The following BBX variants were observed in gnomAD, a reference collection of about 807,000 sequenced individuals.
BBX encodes BBX high mobility group box domain containing.
A neutral mutation model predicts 100.2 loss-of-function variants in BBX; 30 were observed. The observed-to-expected ratio is 0.30, with a 90% CI of 0.22 to 0.41. The LOEUF (loss-of-function observed/expected upper bound fraction) is 0.41, where lower values mean the gene tolerates loss of function less well. BBX is among the 10% of genes least tolerant of loss of function. The probability of loss-of-function intolerance (pLI) is 1.00; values close to 1 mark genes in which losing one functional copy is unlikely to be tolerated. For missense variants in BBX, 1,023 were observed against 1,129.8 expected (o/e 0.91, Z 1.35); for synonymous variants, 376 against 388.1 (o/e 0.97, Z 0.37).
chr3:107,621,836 A>G (rs1251834905), intron 2 of BBX, among the ~76,000 whole-genome samples: 2 of 152,198 alleles, frequency 1.3e-5, no homozygotes, highest in Non-Finnish European at 1.5e-5. Context: ...ATTTCAATCA[A>G]TGAACTGATA....
At chr3:107,581,194 A>G (rs2052251593) in intron 2 of BBX, among the ~76,000 whole-genome samples, 1 of 152,150 alleles carries the variant, frequency 6.6e-6, no homozygotes, top group Non-Finnish European at 1.5e-5. Flanking sequence ...GTCTTTGATC[A>G]TATTTTTACT....
rs570491208 is a variant in BBX, at chr3:107,668,408, GTTAAC to G, written c.-10+22505_-10+22509del. On this transcript the variant is annotated intron_variant, in intron 3 of 17. Transcript: ENST00000325805. ...TTTCATCCATTTATGGTTATTTCCT[GTTAAC>G]TTAACCCCTACACAGCACGTATAGA... 3.9e-3 allele frequency among the ~76,000 whole-genome samples: 595 copies of G among 152,236 alleles called. 3 individuals are homozygous for G. The highest frequency in any genetic ancestry group is 5.0e-3 in the African/African-American group (207 of 41,524).
chr3:107,531,524 A>G (rs997210791), intron 2 of BBX, among the ~76,000 whole-genome samples: 1 of 151,852 alleles, frequency 6.6e-6, no homozygotes, highest in Non-Finnish European at 1.5e-5. Flanking sequence ...TTGTAATTAC[A>G]TCTCATCTCA....
At position 107,565,855 on chromosome 3, in the gene BBX, A is replaced by T. The variant is rs111551439; in HGVS notation, c.-84+39457A>T. Among the ~76,000 whole-genome samples the T allele has an allele frequency of 1.4e-4, 21 of 151,954 alleles. 2 individuals carry two copies. The highest frequency in any genetic ancestry group is 4.6e-4 in the African/African-American group (19 of 41,430). ...AAGTTCTTTTCTTTTCTTAGCTAAGAAATTTTATTATGAATGGGTGTTAAG... is the reference window on the plus strand; with the variant it reads ...AAGTTCTTTTCTTTTCTTAGCTAAGTAATTTTATTATGAATGGGTGTTAAG... On this transcript the variant is annotated intron_variant, in intron 2 of 17. Coordinates refer to ENST00000325805, the MANE Select transcript of BBX (RefSeq NM_001142568.3).
chr3:107,727,475 T>C (rs567501075), intron 5 of BBX, among the ~76,000 whole-genome samples: 1 of 152,154 alleles, frequency 6.6e-6, no homozygotes, highest in African/African-American at 2.4e-5. Context: ...ACTTTAATTA[T>C]TTTTGTAAGA....
Position 107,523,031 on chromosome 3 carries a change from A to T in BBX, c.-232A>T, listed in dbSNP as rs1180517791. 6.5e-6 allele frequency: 1 copy of T among 153,588 alleles called. No homozygotes were observed. The highest frequency in any genetic ancestry group is 1.5e-5 in the Non-Finnish European group (1 of 68,796). 9.5% of individuals were successfully genotyped at this position (153,588 alleles called of 1,614,324 possible). ...AGAGCGGCTCCGCGAGCTTCTCTCC[A>T]CTTTCCCATAGAGAAACCCTGACTG... On this transcript the variant is annotated 5_prime_UTR_variant, in exon 1 of 18. Transcript: ENST00000325805.
intron 9 of BBX, among the ~76,000 whole-genome samples, chr3:107,751,667 T>C (rs1481629395): frequency 6.6e-6 from 1 of 152,174 alleles, no homozygotes; most frequent in African/African-American, 2.4e-5. Context: ...TAAAGCATAT[T>C]TGTTTGTAGG....
chr3:107,585,906 G>A (rs1432463991), intron 2 of BBX, among the ~76,000 whole-genome samples: 1 of 152,102 alleles, frequency 6.6e-6, no homozygotes. Context: ...TAACTAAGAG[G>A]TTTCACAAAC....
intron 3 of BBX, among the ~76,000 whole-genome samples, chr3:107,698,476 C>T (rs2060817570): frequency 6.6e-6 from 1 of 151,370 alleles, no homozygotes; most frequent in Non-Finnish European, 1.5e-5. Context: ...TATGGTGAAA[C>T]CCCATCTCTA....
At chr3:107,752,362 T>C (rs1292447254) in intron 9 of BBX, among the ~76,000 whole-genome samples, 2 of 152,232 alleles carry the variant, frequency 1.3e-5, no homozygotes, top group Non-Finnish European at 2.9e-5. Flanking sequence ...AATCAGTGGA[T>C]GTATTTTGTG....
At chr3:107,728,702 GCCTTTAGAA>G in intron 5 of BBX, 54 bp from the exon 6 acceptor site, 1 of 1,443,060 alleles carries the variant, frequency 6.9e-7, no homozygotes, top group Middle Eastern at 1.8e-4. Context: ...TGGGGTGACA[GCCTTTAGAA>G]CTTTTTCAAT....
chr3:107,523,250 C>T, intron 1 of BBX, 143 bp downstream of exon 1: 1 of 222,414 alleles, frequency 4.5e-6, no homozygotes, highest in East Asian at 1.2e-4. Context: ...GCGGCGGCAG[C>T]CGGTAGGGTG....
chr3:107,561,877 A>G (rs993637800), intron 2 of BBX, among the ~76,000 whole-genome samples: 1 of 152,154 alleles, frequency 6.6e-6, no homozygotes, highest in African/African-American at 2.4e-5. Context: ...CACTTTCATT[A>G]TTTCTTTTTC....
chr3:107,573,413 C>T (rs1463067821), intron 2 of BBX, among the ~76,000 whole-genome samples: 2 of 151,986 alleles, frequency 1.3e-5, no homozygotes. Flanking sequence ...CAAAAATTAG[C>T]CGGGCTTGGC....
chr3:107,711,287 G>T (rs1036460368), intron 4 of BBX: 5 of 470,762 alleles, frequency 1.1e-5, no homozygotes, highest in Non-Finnish European at 2.2e-5. Flanking sequence ...CAGAATAGAA[G>T]CTCAGTATAA....
intron 2 of BBX, among the ~76,000 whole-genome samples, chr3:107,586,370 TA>T (rs1010066020): frequency 1.3e-5 from 2 of 152,240 alleles, no homozygotes; most frequent in Admixed American, 6.5e-5. Context: ...GAGATATTCG[TA>T]ATTGTTTTTT....
intron 2 of BBX, among the ~76,000 whole-genome samples, chr3:107,554,286 T>G (rs1056822793): frequency 6.6e-6 from 1 of 152,224 alleles, no homozygotes; most frequent in Non-Finnish European, 1.5e-5. Flanking sequence ...TTTTGGCTGT[T>G]ACTTGTGGAA....
At chr3:107,701,258 G>T (rs1024588949) in intron 3 of BBX, among the ~76,000 whole-genome samples, 1 of 152,088 alleles carries the variant, frequency 6.6e-6, no homozygotes, top group African/African-American at 2.4e-5. Context: ...GGCAGTATGG[G>T]GACATGATTG....
chr3:107,792,474 G>A (rs2069164169), intron 15 of BBX, among the ~76,000 whole-genome samples: 1 of 152,152 alleles, frequency 6.6e-6, no homozygotes, highest in Admixed American at 6.5e-5. Flanking sequence ...AAGATAGCTA[G>A]CAAAAATGGT....
Sources: allele counts gnomAD v4.1 joint callset (sites outside exome capture counted in the v4.1 genomes callset), GRCh38; gene constraint gnomAD v4.1.1; transcripts MANE v1.5; gene names NCBI Gene and HGNC (gene_info 2026-07-23, HGNC 2026-07-21).